PEAK1: variants seen among roughly 807,000 people sequenced by gnomAD.
PEAK1 encodes pseudopodium enriched atypical kinase 1.
In PEAK1, 54 loss-of-function variants were observed where a neutral mutation model predicts 124.7. That is an observed-to-expected ratio of 0.43 (90% CI 0.35 to 0.54). PEAK1 has a LOEUF of 0.54. Among genes scored for constraint, PEAK1 ranks in the 20% least tolerant of loss-of-function variants. PEAK1 has a pLI of 0.01. For synonymous variants in PEAK1, 719 were observed against 760.0 expected, an observed-to-expected ratio of 0.95 and a Z score of 0.89; for missense variants, 2,046 against 2,134.5, an observed-to-expected ratio of 0.96 and a Z score of 0.82.
At chr15:77,381,417 C>T in intron 1 of PEAK1, 6 of 907,352 alleles carry the variant, frequency 6.6e-6, no homozygotes, top group Non-Finnish European at 7.9e-6. Flanking sequence ...CATAGTGAGA[C>T]CCTGTCTCTT....
At chr15:77,260,199 A>C (rs1026378419) in intron 5 of PEAK1, among the ~76,000 whole-genome samples, 7 of 152,168 alleles carry the variant, frequency 4.6e-5, no homozygotes, top group Admixed American at 1.3e-4. Flanking sequence ...CCCTAGAATA[A>C]AGGCCACTCT....
At chr15:77,311,357 G>A (rs2064428761) in intron 2 of PEAK1, among the ~76,000 whole-genome samples, 1 of 152,106 alleles carries the variant, frequency 6.6e-6, no homozygotes, top group Non-Finnish European at 1.5e-5. Flanking sequence ...TTGAAGGAAT[G>A]TTCGGAAATA....
intron 6 of PEAK1, among the ~76,000 whole-genome samples, chr15:77,206,740 C>T (rs995875310): frequency 3.2e-4 from 49 of 151,622 alleles, no homozygotes; most frequent in African/African-American, 6.1e-4. Context: ...CTTTGTCAGA[C>T]GAGTAGGTTG....
chr15:77,339,080 T>C (rs1340259989), intron 2 of PEAK1, among the ~76,000 whole-genome samples: 1 of 152,044 alleles, frequency 6.6e-6, no homozygotes, highest in Non-Finnish European at 1.5e-5. Flanking sequence ...GCATTGATTT[T>C]ACAATCTGTA....
At chr15:77,275,354 T>C (rs1480680068) in intron 5 of PEAK1, among the ~76,000 whole-genome samples, 1 of 152,152 alleles carries the variant, frequency 6.6e-6, no homozygotes, top group Non-Finnish European at 1.5e-5. Flanking sequence ...TATGTACATC[T>C]TGGTAACGTA....
intron 2 of PEAK1, among the ~76,000 whole-genome samples, chr15:77,317,804 G>C (rs977670745): frequency 1.3e-5 from 2 of 152,142 alleles, no homozygotes; most frequent in Non-Finnish European, 2.9e-5. Context: ...GTTTATTGTA[G>C]TCTTAGAAGG....
chr15:77,351,240 T>C (rs916794794), intron 2 of PEAK1, among the ~76,000 whole-genome samples: 2 of 152,166 alleles, frequency 1.3e-5, no homozygotes, highest in Non-Finnish European at 2.9e-5. Context: ...AGTATAAGTT[T>C]GTTTGGTAGA....
chr15:77,179,881 G>A lies in PEAK1; in HGVS notation c.2046C>T (p.Thr682=), dbSNP rs1460157863. ...ACCCTTTAGTTTGAAGACAGTCAGTGGTTTTGCTAGTGGTGTTATCAGGCA... is the reference window on the plus strand; with the variant it reads ...ACCCTTTAGTTTGAAGACAGTCAGTAGTTTTGCTAGTGGTGTTATCAGGCA... ...SKVPDNTTSK[T]TDCLQTKGFS... The change falls in exon 7 of 10, where the codon ACC becomes ACT. Residue 682 remains threonine, a synonymous_variant. Transcript: ENST00000682557. 6.2e-7 allele frequency: 1 copy of A among 1,613,974 alleles called. No individual in the cohort carries two copies. The highest frequency in any genetic ancestry group is 1.3e-5 in the African/African-American group (1 of 74,920).
At chr15:77,228,231 G>A (rs2059763492) in intron 6 of PEAK1, among the ~76,000 whole-genome samples, 1 of 151,948 alleles carries the variant, frequency 6.6e-6, no homozygotes, top group South Asian at 2.1e-4. Context: ...TCATCATTTA[G>A]TTACTTCTAA....
rs543280679 is a variant in PEAK1, at chr15:77,416,955, CAT to C, written c.-666+3049_-666+3050del. On this transcript the variant is annotated intron_variant, in intron 1 of 9. Coordinates refer to ENST00000682557, the MANE Select transcript of PEAK1 (RefSeq NM_001385026.1). ...AGAAAATTTTAAATTGTATATGTAA[CAT>C]ATTTGTGGCTTGTATTAAATTTTAT... Among the ~76,000 whole-genome samples the C allele has an allele frequency of 4.5e-3, 688 of 152,084 alleles. 5 individuals carry two copies. Among genetic ancestry groups the C allele is most frequent in the Admixed American group, 0.01 (160 of 15,270 alleles).
chr15:77,255,186 T>G (rs2152929526), intron 5 of PEAK1: 1 of 173,134 alleles, frequency 5.8e-6, no homozygotes, highest in Non-Finnish European at 1.1e-5. Flanking sequence ...TGTGAGAAGA[T>G]ATCTTGAATA....
At chr15:77,389,099 G>A (rs1353079512) in intron 1 of PEAK1, among the ~76,000 whole-genome samples, 1 of 151,516 alleles carries the variant, frequency 6.6e-6, no homozygotes, top group Non-Finnish European at 1.5e-5. Flanking sequence ...TAGGACTACA[G>A]ACATGCACCA....
At chr15:77,346,021 A>G in intron 2 of PEAK1, 1 of 985,462 alleles carries the variant, frequency 1.0e-6, no homozygotes, top group Non-Finnish European at 1.2e-6. Flanking sequence ...AATGGAAAAG[A>G]AATCAAGTAG....
chr15:77,257,525 CTTTT>C (rs1368424023), intron 5 of PEAK1, among the ~76,000 whole-genome samples: 1 of 151,214 alleles, frequency 6.6e-6, no homozygotes, highest in Non-Finnish European at 1.5e-5. Context: ...TAAATGTCTT[CTTTT>C]GAGAAGTGTC....
At chr15:77,370,609 C>T (rs2068570468) in intron 1 of PEAK1, 7 of 782,506 alleles carry the variant, frequency 8.9e-6, no homozygotes, top group Non-Finnish European at 1.1e-5. Flanking sequence ...TTTCTAAAGT[C>T]CCTTGCCTAC....
chr15:77,153,173 T>C (rs2152774682), intron 8 of PEAK1, among the ~76,000 whole-genome samples: 1 of 152,328 alleles, frequency 6.6e-6, no homozygotes, highest in East Asian at 1.9e-4. Flanking sequence ...CAGAGCCTGT[T>C]ATTGGTCTAT....
At chr15:77,417,386 G>A in intron 1 of PEAK1, 2 of 977,106 alleles carry the variant, frequency 2.0e-6, no homozygotes, top group South Asian at 9.6e-5. Flanking sequence ...CCAGCCTTGA[G>A]GGAACCTAGA....
At chr15:77,237,209 T>C (rs1329855115) in intron 6 of PEAK1, among the ~76,000 whole-genome samples, 1 of 152,096 alleles carries the variant, frequency 6.6e-6, no homozygotes, top group Non-Finnish European at 1.5e-5. Flanking sequence ...AGATTGTAAA[T>C]CCTAAAATAT....
In PEAK1 at chr15:77,133,847, T is replaced by A. The variant is rs1011003314; in HGVS notation, c.3332-97A>T. 1.5e-6 allele frequency: 2 copies of A among 1,325,580 alleles called. No homozygotes were observed. Among genetic ancestry groups the A allele is most frequent in the African/African-American group, 3.0e-5 (2 of 67,536 alleles). The allele number at this position is 1,325,580 out of a possible 1,614,324, so 82.1% of individuals were successfully genotyped here. On this transcript the variant is annotated intron_variant, in intron 8 of 9. Coordinates refer to ENST00000682557, the MANE Select transcript of PEAK1 (RefSeq NM_001385026.1). This position sits in a 1 kb window ranked among gnomAD's most constrained non-coding sequence, Gnocchi z 4.2. ...TGAGCAGAAATGAGTGAGGTAGCCA[T>A]GGGAATGTAAGAATAAGTCAACTCT...
Sources: allele counts gnomAD v4.1 joint callset (sites outside exome capture counted in the v4.1 genomes callset), GRCh38; gene constraint gnomAD v4.1.1; non-coding constraint Gnocchi (gnomAD v3.1); transcripts MANE v1.5; gene names NCBI Gene and HGNC (gene_info 2026-07-23, HGNC 2026-07-21).